The following RORA variants were observed in gnomAD, a reference collection of about 807,000 sequenced individuals.
The protein encoded by RORA is nuclear receptor ROR-alpha.
A neutral mutation model predicts 69.5 loss-of-function variants in RORA; 7 were observed. That is an observed-to-expected ratio of 0.10 (90% confidence interval 0.06 to 0.19). RORA has a LOEUF of 0.19. RORA is among the 10% of genes least tolerant of loss of function. The pLI, the probability that RORA is intolerant of heterozygous loss-of-function variation, is 1.00. For missense variants in RORA, 457 were observed against 663.0 expected, an observed-to-expected ratio of 0.69 and a Z score of 3.41; for synonymous variants, 261 against 240.8, an observed-to-expected ratio of 1.08 and a Z score of -0.78.
chr15:61,160,672 T>G (rs955918626), intron 1 of RORA, among the ~76,000 whole-genome samples: 2 of 152,086 alleles, frequency 1.3e-5, no homozygotes, highest in African/African-American at 4.8e-5. Context: ...ATAAGAAACA[T>G]AGTGGCAAGT....
intron 1 of RORA, among the ~76,000 whole-genome samples, chr15:60,966,836 C>T (rs1422419649): frequency 2.6e-5 from 4 of 152,214 alleles, no homozygotes; most frequent in East Asian, 1.9e-4. Flanking sequence ...CCAAGGAAGT[C>T]GGTCCAGCTC....
chr15:60,944,935 T>C (rs957609913), intron 1 of RORA, among the ~76,000 whole-genome samples: 2 of 152,154 alleles, frequency 1.3e-5, no homozygotes, highest in Admixed American at 1.3e-4. Context: ...CATGCAGACA[T>C]ATCAAGGTTT....
chr15:61,074,545 T>C (rs1595952013), intron 1 of RORA, among the ~76,000 whole-genome samples: 1 of 152,336 alleles, frequency 6.6e-6, no homozygotes, highest in South Asian at 2.1e-4. Flanking sequence ...TGGCTTGAAA[T>C]TGATTCTGAC....
intron 1 of RORA, among the ~76,000 whole-genome samples, chr15:61,162,824 T>C (rs952317330): frequency 6.6e-6 from 1 of 152,174 alleles, no homozygotes; most frequent in African/African-American, 2.4e-5. Context: ...TGTGACCAGT[T>C]TCCAGCTTCT....
chr15:60,515,953 A>ATATTTATATC lies in RORA; in HGVS notation c.283-1197_283-1196insGATATAAATA, dbSNP rs1296897752. On this transcript the variant is annotated intron_variant, in intron 3 of 10. Transcript: ENST00000335670. ...TATATATATATTTATATATATTTAT[A>ATATTTATATC]TATTTATATTTATATATATTTATAT... Among the ~76,000 whole-genome samples the ATATTTATATC allele has an allele frequency of 2.4e-3, 30 of 12,584 alleles. 3 individuals carry two copies. Among genetic ancestry groups the ATATTTATATC allele is most frequent in the African/African-American group, 0.01 (28 of 2,708 alleles). 8.3% of individuals were successfully genotyped at this position (12,584 alleles called of 152,430 possible). A position where few individuals can be genotyped will look rare whatever the true frequency, so the allele number is the denominator to read the frequency against.
intron 5 of RORA, among the ~76,000 whole-genome samples, chr15:60,505,882 T>C (rs907517595): frequency 4.6e-5 from 7 of 152,198 alleles, no homozygotes; most frequent in African/African-American, 1.4e-4. Context: ...TTGCCCTTGT[T>C]CTGTGCCTTT....
chr15:61,109,103 C>T (rs970739956), intron 1 of RORA, among the ~76,000 whole-genome samples: 12 of 152,034 alleles, frequency 7.9e-5, no homozygotes, highest in African/African-American at 2.9e-4. Flanking sequence ...GGCTGAGGCA[C>T]GAGAATAGCT....
intron 1 of RORA, among the ~76,000 whole-genome samples, chr15:61,122,512 T>C (rs1304479191): frequency 6.6e-6 from 1 of 152,224 alleles, no homozygotes; most frequent in Non-Finnish European, 1.5e-5. Flanking sequence ...GAACTGGGTC[T>C]AGTAAAGCCG....
At chr15:60,849,159 A>C (rs1352720827) in intron 1 of RORA, 4 of 152,056 alleles carry the variant, frequency 2.6e-5, no homozygotes, top group African/African-American at 9.7e-5. Flanking sequence ...GGATTTGTTT[A>C]CTTGTGTATT....
At chr15:60,833,530 T>C (rs1473892927) in intron 1 of RORA, among the ~76,000 whole-genome samples, 3 of 152,326 alleles carry the variant, frequency 2.0e-5, no homozygotes, top group African/African-American at 7.2e-5. Context: ...GTCTTCTTCC[T>C]GGGTCCTTCC....
In RORA at chr15:61,020,433, G is replaced by A. The variant is rs73422420; in HGVS notation, c.166+208620C>T. 4.2e-3 allele frequency among the ~76,000 whole-genome samples: 632 copies of A among 152,270 alleles called. 6 individuals carry two copies. Among genetic ancestry groups the A allele is most frequent in the African/African-American group, 0.014 (585 of 41,540 alleles). ...TCTAGTTCGGAATTGCTGCTTCTTCGCAAACAGACTTTGGGCAGTGACTCA... is the reference window on the plus strand; with the variant it reads ...TCTAGTTCGGAATTGCTGCTTCTTCACAAACAGACTTTGGGCAGTGACTCA... On this transcript the variant is annotated intron_variant, in intron 1 of 10. Coordinates refer to ENST00000335670, the MANE Select transcript of RORA (RefSeq NM_134261.3).
At chr15:60,571,325 G>T (rs1481897536) in intron 2 of RORA, among the ~76,000 whole-genome samples, 7 of 151,410 alleles carry the variant, frequency 4.6e-5, no homozygotes, top group South Asian at 2.1e-4. Context: ...CTGTGTTTTT[G>T]TGTGTGTGTG....
At chr15:61,179,260 T>A (rs2079659939) in intron 1 of RORA, among the ~76,000 whole-genome samples, 1 of 152,188 alleles carries the variant, frequency 6.6e-6, no homozygotes, top group Non-Finnish European at 1.5e-5. Flanking sequence ...AAAACAATTT[T>A]CATAATACTT....
chr15:61,038,355 A>T (rs1047082057), intron 1 of RORA, among the ~76,000 whole-genome samples: 1 of 152,216 alleles, frequency 6.6e-6, no homozygotes, highest in Non-Finnish European at 1.5e-5. Context: ...AGCAGAGGAA[A>T]CAGGTATTGA....
chr15:60,490,853 A>G lies in RORA; in HGVS notation c.*6602T>C, dbSNP rs556522633. 6 of 152,274 alleles carry G rather than the reference A, an allele frequency of 3.9e-5. No individual in the cohort carries two copies. The South Asian group carries it at 1.2e-3, about 32-fold the overall frequency. The allele number at this position is 152,274 out of a possible 1,614,324, so 9.4% of individuals were successfully genotyped here. A position where few individuals can be genotyped will look rare whatever the true frequency, so the allele number is the denominator to read the frequency against. ...ACCACCTAACACTGCAGTTCTTTATACATATTAAAAGCCTTGTCTGGGGTT... is the reference window on the plus strand; with the variant it reads ...ACCACCTAACACTGCAGTTCTTTATGCATATTAAAAGCCTTGTCTGGGGTT... On this transcript the variant is annotated 3_prime_UTR_variant, in exon 11 of 11. Transcript: ENST00000335670. This position sits in a 1 kb window ranked among gnomAD's most constrained non-coding sequence, Gnocchi z 4.1.
intron 1 of RORA, among the ~76,000 whole-genome samples, chr15:60,956,839 G>T (rs1273163539): frequency 6.6e-6 from 1 of 152,182 alleles, no homozygotes; most frequent in African/African-American, 2.4e-5. Context: ...AATTGTAGAG[G>T]AAGCTGTGAG....
chr15:61,038,565 T>C (rs1317685284), intron 1 of RORA, among the ~76,000 whole-genome samples: 1 of 152,230 alleles, frequency 6.6e-6, no homozygotes, highest in Non-Finnish European at 1.5e-5. Context: ...AAACTTCTTC[T>C]GTGGCATGGT....
chr15:61,217,791 G>C (rs1411435280), intron 1 of RORA, among the ~76,000 whole-genome samples: 1 of 152,170 alleles, frequency 6.6e-6, no homozygotes, highest in Admixed American at 6.5e-5. Context: ...TATATTCTAA[G>C]CCAGTCTAGG....
chr15:60,814,711 C>G (rs992042849), intron 1 of RORA, among the ~76,000 whole-genome samples: 1 of 152,164 alleles, frequency 6.6e-6, no homozygotes, highest in Middle Eastern at 3.2e-3. Context: ...CCCTCCCCAC[C>G]TTACCTGGCT....
Sources: allele counts gnomAD v4.1 joint callset (sites outside exome capture counted in the v4.1 genomes callset), GRCh38; gene constraint gnomAD v4.1.1; non-coding constraint Gnocchi (gnomAD v3.1); transcripts MANE v1.5; gene names NCBI Gene and HGNC (gene_info 2026-07-23, HGNC 2026-07-21).